Variants in SETD4 observed in about 807,000 individuals in gnomAD.
SETD4 encodes SET domain containing 4, also known as SET domain-containing protein 4.
A neutral mutation model predicts 58.3 loss-of-function variants in SETD4; 46 were observed. The observed-to-expected ratio is 0.79, with a 90% confidence interval of 0.62 to 1.01. SETD4 has a LOEUF of 1.01. SETD4 is among the 50% of genes least tolerant of loss of function. The pLI, the probability that SETD4 is intolerant of heterozygous loss-of-function variation, is 0.00. For missense variants in SETD4, 490 were observed against 523.3 expected, an observed-to-expected ratio of 0.94 and a Z score of 0.62; for synonymous variants, 190 against 202.6, an observed-to-expected ratio of 0.94 and a Z score of 0.53.
At chr21:36,038,808 G>A (rs755450038) in intron 9 of SETD4, among the ~76,000 whole-genome samples, 6 of 152,224 alleles carry the variant, frequency 3.9e-5, no homozygotes, top group Non-Finnish European at 5.9e-5. Flanking sequence ...ACAAAGGTTC[G>A]CAGGAAACGG....
At chr21:36,038,620 G>A (rs754318018) in intron 9 of SETD4, among the ~76,000 whole-genome samples, 1 of 152,198 alleles carries the variant, frequency 6.6e-6, no homozygotes, top group Non-Finnish European at 1.5e-5. Flanking sequence ...ACAGGAGGGC[G>A]AGTCCACAGC....
intron 2 of SETD4, among the ~76,000 whole-genome samples, chr21:36,058,172 A>G (rs2065081891): frequency 6.6e-6 from 1 of 152,198 alleles, no homozygotes; most frequent in Non-Finnish European, 1.5e-5. Flanking sequence ...AAAAGAATAC[A>G]ATGGCACCAT....
chr21:36,038,196 T>G lies in SETD4; in HGVS notation c.1142A>C (p.Lys381Thr), dbSNP rs763786889. Residue 381 changes from lysine to threonine, a missense_variant, in exon 10 of 12, where the codon AAA becomes ACA. By Grantham distance (78) the Lys-to-Thr change is moderately conservative (BLOSUM62 -1). Coordinates refer to ENST00000332131, the MANE Select transcript of SETD4 (RefSeq NM_017438.5). ...CTCTTCTATGAAATAATAGCATATTTTCTGGGCTATGTCCAAACTTGTCTT... is the reference window on the plus strand; with the variant it reads ...CTCTTCTATGAAATAATAGCATATTGTCTGGGCTATGTCCAAACTTGTCTT... ...NEKTSLDIAQ[K>T]ICYYFIEETN... 1.2e-6 allele frequency: 2 copies of G among 1,614,064 alleles called. No individual in the cohort carries two copies. The highest frequency in any genetic ancestry group is 1.1e-5 in the South Asian group (1 of 91,034).
In SETD4 at chr21:36,045,917, C is replaced by T. The variant is rs745606997; in HGVS notation, c.391G>A (p.Glu131Lys). 15 of 1,614,194 alleles carry T rather than the reference C, an allele frequency of 9.3e-6. No individual in the cohort carries two copies. Among genetic ancestry groups the T allele is most frequent in the Non-Finnish European group, 1.1e-5 (13 of 1,180,034 alleles). ...CAGGTATACGCCTTGGGTAAAATCT[C>T]CAGGTAAGGCTTCCAAAGAGATCGG... is the stretch of plus-strand genomic sequence containing the variant. The part of the protein sequence containing the change: ...GHRSLWKPYL[E>K]ILPKAYTCPV... Residue 131 changes from glutamate (E) to lysine (K), a missense_variant, in exon 6 of 12, where the codon GAG (glutamate) becomes AAG (lysine). Coordinates refer to ENST00000332131, the MANE Select transcript of SETD4 (RefSeq NM_017438.5).
rs1309776555 is a variant in SETD4, at chr21:36,034,972, A to G, written c.*1021T>C. On this transcript the variant is annotated 3_prime_UTR_variant, in exon 12 of 12. Coordinates refer to ENST00000332131, the MANE Select transcript of SETD4 (RefSeq NM_017438.5). ...AGAAATCATGAGAAAGTTTTATTTT[A>G]AACTCTGCCTGCCTCCTGAGGCCAG... is the stretch of plus-strand genomic sequence containing the variant. 1 of 152,226 alleles carries G rather than the reference A, an allele frequency of 6.6e-6. No individual in the cohort carries two copies. The highest frequency in any genetic ancestry group is 1.9e-4 in the East Asian group (1 of 5,204). The allele number at this position is 152,226 out of a possible 1,614,324, so 9.4% of individuals were successfully genotyped here.
chr21:36,043,866 C>G lies in SETD4; in HGVS notation c.817G>C (p.Gly273Arg). ...AACAGCCGTTGATTATCGTGAGGGC[C>G]GTAACAGATGAATACCTCTTCATGC... ...RKHEEVFICY[G>R]PHDNQRLFLE... is the part of the protein sequence containing the mutation. Residue 273 changes from glycine (G) to arginine (R), a missense_variant, in exon 7 of 12, where the codon GGC (glycine) becomes CGC (arginine). Physicochemically the swap from Gly to Arg is moderately radical, Grantham distance 125. Coordinates refer to ENST00000332131, the MANE Select transcript of SETD4 (RefSeq NM_017438.5). 6.2e-7 allele frequency: 1 copy of G among 1,614,138 alleles called. No homozygotes were observed. Among genetic ancestry groups the G allele is most frequent in the Non-Finnish European group, 8.5e-7 (1 of 1,180,034 alleles).
rs1198873505 is a variant in SETD4, at chr21:36,045,649, G to T, written c.659C>A (p.Ser220Tyr). The T allele has an allele frequency of 8.1e-6, 13 of 1,614,178 alleles. No homozygotes were observed. Among genetic ancestry groups the T allele is most frequent in the Non-Finnish European group, 1.1e-5 (13 of 1,180,004 alleles). The change falls in exon 6 of 12, where the codon TCT becomes TAT. Residue 220 changes from serine (S) to tyrosine (Y), a missense_variant. Transcript: ENST00000332131. ...GAGTGCACAGGTGTCCGGCTCTGCA[G>T]AAAGGCATTCCCGCTGCCTGGGCCT... ...YLRPRQRECL[S>Y]AEPDTCALAP...
At chr21:36,054,721 C>T (rs75615999) in intron 3 of SETD4, among the ~76,000 whole-genome samples, 2 of 126,300 alleles carry the variant, frequency 1.6e-5, no homozygotes, top group Admixed American at 7.9e-5. Context: ...TTGATGCTCC[C>T]GGCTCATGGT....
intron 9 of SETD4, among the ~76,000 whole-genome samples, chr21:36,039,878 G>T (rs2063962079): frequency 6.6e-6 from 1 of 152,250 alleles, no homozygotes; most frequent in South Asian, 2.1e-4. Context: ...ACTGCTCCCA[G>T]GCACTGTGCC....
At chr21:36,040,864 A>G (rs959978511) in intron 8 of SETD4, among the ~76,000 whole-genome samples, 7 of 152,076 alleles carry the variant, frequency 4.6e-5, no homozygotes, top group African/African-American at 1.4e-4. Flanking sequence ...TTTTTTTTCT[A>G]AAGAGTAAAC....
chr21:36,041,957 C>T lies in SETD4; in HGVS notation c.902-69G>A, dbSNP rs150417174. 95 of 785,050 alleles carry T rather than the reference C, an allele frequency of 1.2e-4. No homozygotes were observed. The African/African-American group carries it at 1.4e-3, about 12-fold the overall frequency. 48.6% of individuals were successfully genotyped at this position (785,050 alleles called of 1,614,324 possible). A position where few individuals can be genotyped will look rare whatever the true frequency, so the allele number is the denominator to read the frequency against. On this transcript the variant is annotated intron_variant, in intron 7 of 11. Transcript: ENST00000332131. ...GACAAAAGTATGTCTCCCTTCCCTT[C>T]TCAACTCACTTCCTTTCCCTTTAGC...
At chr21:36,040,793 G>T in intron 8 of SETD4, 138 bp from the exon 9 acceptor site, 2 of 674,104 alleles carry the variant, frequency 3.0e-6, no homozygotes, top group Admixed American at 5.0e-5. Flanking sequence ...CAAAGGACAA[G>T]AGAAAATCAG....
At chr21:36,047,470 A>G (rs536148006) in intron 5 of SETD4, among the ~76,000 whole-genome samples, 1 of 152,334 alleles carries the variant, frequency 6.6e-6, no homozygotes, top group Admixed American at 6.5e-5. Context: ...AAGTTCAAGG[A>G]AAACTGAAGT....
chr21:36,050,319 T>C, intron 4 of SETD4: 3 of 1,612,520 alleles, frequency 1.9e-6, no homozygotes, highest in Non-Finnish European at 2.5e-6. Flanking sequence ...GGCCAAATGT[T>C]GTGAGGAGGA....
At chr21:36,053,328 G>A (rs1169563762) in intron 4 of SETD4, 31 of 542,614 alleles carry the variant, frequency 5.7e-5, no homozygotes, top group Non-Finnish European at 4.9e-5. Flanking sequence ...CACCAGCCAG[G>A]GTCAGCCTAC....
chr21:36,056,700 A>G lies in SETD4; in HGVS notation c.169+409T>C, dbSNP rs192242760. 2.3e-3 allele frequency among the ~76,000 whole-genome samples: 352 copies of G among 152,206 alleles called. 1 individual carries two copies. Among genetic ancestry groups the G allele is most frequent in the African/African-American group, 7.9e-3 (329 of 41,516 alleles). On this transcript the variant is annotated intron_variant, in intron 3 of 11. Transcript: ENST00000332131. ...AAGCCTCTAGAGTAGCTGGGACTAC[A>G]GGGCACACCACCGCGCCTGGCTAAC...
chr21:36,040,476 G>T, intron 9 of SETD4, 99 bp downstream of exon 9: 2 of 934,522 alleles, frequency 2.1e-6, no homozygotes, highest in Non-Finnish European at 1.7e-6. Context: ...TTCCTCCCTG[G>T]CTGGGTATCT....
At chr21:36,046,607 A>G (rs1352284729) in intron 5 of SETD4, among the ~76,000 whole-genome samples, 1 of 152,232 alleles carries the variant, frequency 6.6e-6, no homozygotes, top group Non-Finnish European at 1.5e-5. Flanking sequence ...TAAAAGCTCT[A>G]TTGGAGGGCA....
chr21:36,051,014 G>C, intron 4 of SETD4: 1 of 1,559,506 alleles, frequency 6.4e-7, no homozygotes, highest in South Asian at 1.1e-5. Flanking sequence ...TTGACCTGTT[G>C]ATGAAAGATG....
Sources: gnomAD v4.1 joint callset for allele counts (sites outside exome capture counted in the v4.1 genomes callset) on GRCh38, gnomAD v4.1.1 for gene constraint, MANE v1.5 for transcripts, NCBI Gene and HGNC (gene_info 2026-07-23, HGNC 2026-07-21) for gene names.